The following GPX6 variants were observed in gnomAD, a reference collection of about 807,000 sequenced individuals.
GPX6 encodes the protein glutathione peroxidase 6 (olfactory).
Under a neutral mutation model 20.0 loss-of-function variants are expected in GPX6, and 21 were observed. That is an observed-to-expected ratio of 1.05 (90% confidence interval 0.74 to 1.51). The LOEUF is 1.51. Among genes scored for constraint, GPX6 ranks in the 40% most tolerant of loss-of-function variants. The pLI is 0.00. For synonymous variants in GPX6, 75 were observed against 98.0 expected (o/e 0.77, Z 1.38); for missense variants, 233 against 254.7 (o/e 0.91, Z 0.58).
At chr6:28,507,503 A>G (rs1364714774) in intron 2 of GPX6, among the ~76,000 whole-genome samples, 1 of 152,228 alleles carries the variant, frequency 6.6e-6, no homozygotes, top group Non-Finnish European at 1.5e-5. Context: ...AACTAATTTA[A>G]TAAATTATAT....
intron 1 of GPX6, among the ~76,000 whole-genome samples, chr6:28,514,128 A>G (rs1581843971): frequency 6.6e-6 from 1 of 152,188 alleles, no homozygotes; most frequent in African/African-American, 2.4e-5. Flanking sequence ...TCTTGCTACT[A>G]TAATAAAAAG....
Position 28,504,401 on chromosome 6 carries a change from A to C in GPX6, c.557T>G (p.Phe186Cys). The change falls in exon 5 of 5, where the codon TTT (phenylalanine) becomes TGT (cysteine). Residue 186 changes from phenylalanine to cysteine, a missense_variant. By Grantham distance (205) the Phe-to-Cys change is radical (BLOSUM62 -2). Coordinates refer to ENST00000361902, the MANE Select transcript of GPX6 (RefSeq NM_182701.1). ...AGGGACTCCATCGGGCCCCACCAGAAATTTCTCAAAGTTCCAGCGGATATC... is the reference window on the plus strand; with the variant it reads ...AGGGACTCCATCGGGCCCCACCAGACATTTCTCAAAGTTCCAGCGGATATC... ...VHDIRWNFEK[F>C]LVGPDGVPVM... 2 of 1,614,192 alleles carry C rather than the reference A, an allele frequency of 1.2e-6. No homozygotes were observed. The highest frequency in any genetic ancestry group is 1.7e-6 in the Non-Finnish European group (2 of 1,180,038).
chr6:28,505,621 C>T, intron 4 of GPX6, 82 bp downstream of exon 4: 1 of 1,100,802 alleles, frequency 9.1e-7, no homozygotes. Flanking sequence ...CCAAGGAGTC[C>T]AACCACAACC....
At chr6:28,513,814 G>T (rs942910383) in intron 1 of GPX6, among the ~76,000 whole-genome samples, 4 of 152,206 alleles carry the variant, frequency 2.6e-5, no homozygotes, top group African/African-American at 9.7e-5. Context: ...GGAAGGAATT[G>T]CCTGTGGGTG....
intron 1 of GPX6, among the ~76,000 whole-genome samples, chr6:28,514,465 C>T (rs1354817745): frequency 6.6e-6 from 1 of 152,126 alleles, no homozygotes; most frequent in Admixed American, 6.5e-5. Flanking sequence ...ATCTGATGAC[C>T]CTTGGAGGTT....
intron 1 of GPX6, among the ~76,000 whole-genome samples, chr6:28,512,457 C>A (rs1339494972): frequency 5.3e-5 from 8 of 152,190 alleles, no homozygotes; most frequent in African/African-American, 1.9e-4. Context: ...CACTCTGTAT[C>A]TAGCTAATCT....
At position 28,513,556 on chromosome 6, in the gene GPX6, TA is replaced by T. The variant is rs34988212; in HGVS notation, c.87+2100del. ...AACTCATCCTTGGCACCCACTTCTTTATATTGTGGTGAAACAGCCTGAACTG... is the reference window on the plus strand; with the variant it reads ...AACTCATCCTTGGCACCCACTTCTTTTATTGTGGTGAAACAGCCTGAACTG... On this transcript the variant is annotated intron_variant, in intron 1 of 4. Coordinates refer to ENST00000361902, the MANE Select transcript of GPX6 (RefSeq NM_182701.1). Among the ~76,000 whole-genome samples, 603 of 152,302 alleles carry T rather than the reference TA, an allele frequency of 4.0e-3. 4 individuals carry two copies. Among genetic ancestry groups the T allele is most frequent in the African/African-American group, 0.013 (539 of 41,560 alleles).
intron 1 of GPX6, among the ~76,000 whole-genome samples, chr6:28,512,239 C>T (rs1043780010): frequency 1.3e-5 from 2 of 152,256 alleles, no homozygotes; most frequent in Non-Finnish European, 2.9e-5. Context: ...TGGCTGAAGC[C>T]AGCTGGGCTC....
rs34992216 is a variant in GPX6 at position 28,506,275 on chromosome 6, C to T, written c.359+37G>A. ...TAGGTGGAATGAGGAATGGAAATCC[C>T]GACAGGGCATCTGCAGGGTCCCATG... is the stretch of plus-strand genomic sequence containing the variant. On this transcript the variant is annotated intron_variant, in intron 3 of 4. Transcript: ENST00000361902. 7.9e-4 allele frequency: 1,002 copies of T among 1,265,916 alleles called. 3 individuals are homozygous for T. In the African/African-American group the frequency reaches 0.013, roughly 16 times the overall value. The allele number at this position is 1,265,916 out of a possible 1,614,324, so 78.4% of individuals were successfully genotyped here. A position where few individuals can be genotyped will look rare whatever the true frequency, so the allele number is the denominator to read the frequency against.
chr6:28,514,282 G>A (rs1271249624), intron 1 of GPX6, among the ~76,000 whole-genome samples: 2 of 152,152 alleles, frequency 1.3e-5, no homozygotes, highest in Admixed American at 6.5e-5. Flanking sequence ...AGAATCCCAC[G>A]AAAACTGCAG....
chr6:28,509,584 T>C (rs1007841003), intron 2 of GPX6, among the ~76,000 whole-genome samples: 7 of 152,188 alleles, frequency 4.6e-5, no homozygotes, highest in Non-Finnish European at 8.8e-5. Flanking sequence ...CTCTGTGGCA[T>C]TTGGTGCAAT....
At chr6:28,512,509 TA>T (rs1762903568) in intron 1 of GPX6, among the ~76,000 whole-genome samples, 1 of 152,166 alleles carries the variant, frequency 6.6e-6, no homozygotes. Flanking sequence ...TCAGGGATTG[TA>T]AAGGCACCAA....
At chr6:28,511,414 G>A (rs927564204) in intron 1 of GPX6, among the ~76,000 whole-genome samples, 3 of 152,238 alleles carry the variant, frequency 2.0e-5, no homozygotes, top group Non-Finnish European at 4.4e-5. Context: ...GGTGATGGGG[G>A]AGGGGCGGCC....
intron 2 of GPX6, 119 bp from the exon 3 acceptor site, chr6:28,506,548 A>AT: frequency 8.8e-6 from 6 of 681,804 alleles, no homozygotes; most frequent in Non-Finnish European, 1.6e-5. Flanking sequence ...GAAGGGAAAG[A>AT]TTCAAGGTTA....
chr6:28,512,225 C>A (rs1762893802), intron 1 of GPX6, among the ~76,000 whole-genome samples: 1 of 152,266 alleles, frequency 6.6e-6, no homozygotes, highest in South Asian at 2.1e-4. Flanking sequence ...GGTGCGGCAT[C>A]CACTGGCTGA....
intron 2 of GPX6, among the ~76,000 whole-genome samples, chr6:28,507,989 G>C (rs1762822905): frequency 1.3e-5 from 2 of 152,208 alleles, no homozygotes; most frequent in African/African-American, 2.4e-5. Context: ...AAGAAAGTGA[G>C]AGAGAAATGT....
chr6:28,515,750 G>A lies in GPX6; in HGVS notation c.-7C>T, dbSNP rs776240106. 1.9e-6 allele frequency: 3 copies of A among 1,612,506 alleles called. No individual in the cohort carries two copies. The highest frequency in any genetic ancestry group is 1.3e-5 in the African/African-American group (1 of 74,946). On this transcript the variant is annotated 5_prime_UTR_variant, in exon 1 of 5. Coordinates refer to ENST00000361902, the MANE Select transcript of GPX6 (RefSeq NM_182701.1). Reference sequence around the variant, plus strand: ...CCTGGAACTGCTGGAACATGGCTAGGAGTTTTAGACGACTCTGAGGTCCCC... The same window carrying A: ...CCTGGAACTGCTGGAACATGGCTAGAAGTTTTAGACGACTCTGAGGTCCCC...
intron 3 of GPX6, 149 bp from the exon 4 acceptor site, chr6:28,505,951 G>A (rs1389150142): frequency 3.1e-6 from 2 of 649,554 alleles, no homozygotes; most frequent in African/African-American, 1.8e-5. Flanking sequence ...TCTGTGGGAA[G>A]CAGGATTTTA....
In GPX6 at chr6:28,504,097, CAT is replaced by C; in HGVS notation, c.*193_*194del. The C allele has an allele frequency of 3.5e-6, 2 of 576,564 alleles. No individual in the cohort carries two copies. The highest frequency in any genetic ancestry group is 6.1e-6 in the Non-Finnish European group (2 of 325,340). 35.7% of individuals were successfully genotyped at this position (576,564 alleles called of 1,614,324 possible). A position where few individuals can be genotyped will look rare whatever the true frequency, so the allele number is the denominator to read the frequency against. On this transcript the variant is annotated 3_prime_UTR_variant, in exon 5 of 5. Coordinates refer to ENST00000361902, the MANE Select transcript of GPX6 (RefSeq NM_182701.1). ...ACCAACAAATACAATTCTACATATC[CAT>C]ACACACACACACACACACACACACA...
Sources: gnomAD v4.1 joint callset for allele counts (sites outside exome capture counted in the v4.1 genomes callset) on GRCh38, gnomAD v4.1.1 for gene constraint, MANE v1.5 for transcripts, NCBI Gene and HGNC (gene_info 2026-07-23, HGNC 2026-07-21) for gene names.